Variants in MOSMO observed in about 807,000 individuals in gnomAD.
MOSMO encodes the protein modulator of smoothened, also known as modulator of smoothened protein.
A neutral mutation model predicts 18.4 loss-of-function variants in MOSMO; 5 were observed. That is an observed-to-expected ratio of 0.27 (90% CI 0.14 to 0.57). The LOEUF (loss-of-function observed/expected upper bound fraction) is 0.57, where lower values mean the gene tolerates loss of function less well. Among genes scored for constraint, MOSMO ranks in the 20% least tolerant of loss-of-function variants. The probability of loss-of-function intolerance (pLI) is 0.92; values close to 1 mark genes in which losing one functional copy is unlikely to be tolerated. For synonymous variants in MOSMO, 82 were observed against 82.3 expected (o/e 1.00, Z 0.02); for missense variants, 138 against 211.8 (o/e 0.65, Z 2.16).
intron 1 of MOSMO, among the ~76,000 whole-genome samples, chr16:22,061,405 A>G (rs1334919238): frequency 6.6e-6 from 1 of 152,216 alleles, no homozygotes; most frequent in Non-Finnish European, 1.5e-5. Flanking sequence ...TTCCATGAGT[A>G]GTGGTGCCTG....
At position 22,080,876 on chromosome 16, in the gene MOSMO, G is replaced by T; in HGVS notation, c.500G>T (p.Gly167Val). Residue 167 changes from glycine to valine, a missense_variant, in exon 3 of 3, where the codon GGC becomes GTC. Physicochemically the swap from Gly to Val is moderately radical, Grantham distance 109. Coordinates refer to ENST00000542527, the MANE Select transcript of MOSMO (RefSeq NM_001164579.2). ...TTTGCTGGCAAAGTTTGTTTACCAG[G>T]CTGATGAATGTCTAAATTGCTTGAC... The part of the protein sequence containing the change: ...LLFAGKVCLP[G>V] 7.4e-7 allele frequency: 1 copy of T among 1,352,540 alleles called. No homozygotes were observed. Among genetic ancestry groups the T allele is most frequent in the African/African-American group, 1.5e-5 (1 of 65,834 alleles). The allele number at this position is 1,352,540 out of a possible 1,614,324, so 83.8% of individuals were successfully genotyped here.
At chr16:22,077,370 T>C (rs1339849067) in intron 2 of MOSMO, among the ~76,000 whole-genome samples, 1 of 152,138 alleles carries the variant, frequency 6.6e-6, no homozygotes, top group Non-Finnish European at 1.5e-5. Context: ...CAATGTATTT[T>C]TTTCTTTATT....
At chr16:22,028,194 AAC>A (rs1281566437) in intron 1 of MOSMO, among the ~76,000 whole-genome samples, 1 of 152,064 alleles carries the variant, frequency 6.6e-6, no homozygotes, top group Non-Finnish European at 1.5e-5. Flanking sequence ...CATTATACCA[AAC>A]ACACGTGTGC....
chr16:22,029,285 A>G (rs897045772), intron 1 of MOSMO, among the ~76,000 whole-genome samples: 13 of 152,230 alleles, frequency 8.5e-5, no homozygotes, highest in Non-Finnish European at 1.5e-4. Flanking sequence ...AGATACATGT[A>G]TGATTCATAA....
At chr16:22,077,864 A>G (rs1901000810) in intron 2 of MOSMO, among the ~76,000 whole-genome samples, 1 of 152,184 alleles carries the variant, frequency 6.6e-6, no homozygotes, top group Non-Finnish European at 1.5e-5. Flanking sequence ...TTTTGGTACC[A>G]GAACGAGTGG....
intron 2 of MOSMO, among the ~76,000 whole-genome samples, chr16:22,078,060 A>G (rs771929497): frequency 1.6e-4 from 25 of 152,136 alleles, no homozygotes; most frequent in Non-Finnish European, 2.8e-4. Context: ...CCCCCACATG[A>G]TGGGGGTTCC....
At chr16:22,066,458 C>T (rs1445385006) in intron 1 of MOSMO, among the ~76,000 whole-genome samples, 1 of 152,032 alleles carries the variant, frequency 6.6e-6, no homozygotes. Flanking sequence ...GTCCACATAC[C>T]CAGGCAACAA....
intron 2 of MOSMO, among the ~76,000 whole-genome samples, chr16:22,079,273 A>C (rs890631648): frequency 6.6e-6 from 1 of 152,202 alleles, no homozygotes; most frequent in Non-Finnish European, 1.5e-5. Flanking sequence ...AAACGCATTC[A>C]GTTAATAATG....
chr16:22,032,546 CTCTTT>C (rs1426950043), intron 1 of MOSMO, among the ~76,000 whole-genome samples: 1 of 151,932 alleles, frequency 6.6e-6, no homozygotes, highest in Non-Finnish European at 1.5e-5. Flanking sequence ...TGTAACAGTT[CTCTTT>C]TCTTTTGTTT....
At chr16:22,085,978 T>C (rs1901166265), downstream of MOSMO, 1 of 152,170 alleles carries the variant, frequency 6.6e-6, no homozygotes, top group Admixed American at 6.5e-5. Flanking sequence ...CTGGATGAAA[T>C]GTCAAAGAGC....
downstream of MOSMO, among the ~76,000 whole-genome samples, chr16:22,088,247 G>GTCTCCCAGTCTCC (rs1373637708): frequency 6.6e-6 from 1 of 152,066 alleles, no homozygotes; most frequent in Non-Finnish European, 1.5e-5. Flanking sequence ...GACCAGGGTC[G>GTCTCCCAGTCTCC]TCTCCCAGTC....
At position 22,019,924 on chromosome 16, in the gene MOSMO, T is replaced by C. The variant is rs1216382015; in HGVS notation, c.106+11517T>C. On this transcript the variant is annotated intron_variant, in intron 1 of 2. Coordinates refer to ENST00000542527, the MANE Select transcript of MOSMO (RefSeq NM_001164579.2). ...AGGCTTCTTTTTTTTAAAAAATGTA[T>C]CAGTTGGGGCCAGGTGCGGTGGCTC... Among the ~76,000 whole-genome samples, 7 of 152,024 alleles carry C rather than the reference T, an allele frequency of 4.6e-5. No individual in the cohort carries two copies. The East Asian group carries it at 1.4e-3, about 29-fold the overall frequency.
intron 1 of MOSMO, among the ~76,000 whole-genome samples, chr16:22,029,616 T>G (rs1256700497): frequency 6.6e-6 from 1 of 152,226 alleles, no homozygotes; most frequent in Non-Finnish European, 1.5e-5. Context: ...GTAGAATTAA[T>G]TAACTAATTT....
At chr16:22,046,173 G>A (rs1900305983) in intron 1 of MOSMO, among the ~76,000 whole-genome samples, 1 of 152,008 alleles carries the variant, frequency 6.6e-6, no homozygotes, top group Admixed American at 6.6e-5. Context: ...AAAGCTAAAG[G>A]GACACTTCAA....
intron 1 of MOSMO, among the ~76,000 whole-genome samples, chr16:22,057,227 G>A (rs902459457): frequency 6.6e-6 from 1 of 152,180 alleles, no homozygotes; most frequent in Non-Finnish European, 1.5e-5. Context: ...CACAGTTCTG[G>A]AGGCTGGGAA....
At chr16:22,009,039 G>C (rs565881694) in intron 1 of MOSMO, among the ~76,000 whole-genome samples, 3 of 152,262 alleles carry the variant, frequency 2.0e-5, no homozygotes, top group Admixed American at 2.0e-4. Context: ...GGTGGGAGTG[G>C]GGGGCGCCGG....
chr16:22,036,114 T>TTTTA (rs947329250), intron 1 of MOSMO, among the ~76,000 whole-genome samples: 2 of 152,250 alleles, frequency 1.3e-5, no homozygotes, highest in South Asian at 2.1e-4. Flanking sequence ...GTCTTTTAAA[T>TTTTA]TTTATTTATT....
chr16:22,017,038 A>G (rs979076411), intron 1 of MOSMO, among the ~76,000 whole-genome samples: 3 of 152,218 alleles, frequency 2.0e-5, no homozygotes, highest in African/African-American at 7.2e-5. Flanking sequence ...GATATAGCTG[A>G]AGATTTAGTT....
chr16:22,058,738 T>C (rs930024668), intron 1 of MOSMO, among the ~76,000 whole-genome samples: 23 of 152,158 alleles, frequency 1.5e-4, no homozygotes, highest in African/African-American at 5.6e-4. Context: ...TTTTCGTATT[T>C]GTTGAGCTTG....
Sources: allele counts gnomAD v4.1 joint callset (sites outside exome capture counted in the v4.1 genomes callset), GRCh38; gene constraint gnomAD v4.1.1; transcripts MANE v1.5; gene names NCBI Gene and HGNC (gene_info 2026-07-23, HGNC 2026-07-21).